Variants in PMIS2 observed in about 807,000 individuals in gnomAD.
PMIS2 encodes PMIS2 transmembrane protein.
At chr19:35,587,057 G>T in exon 2 of PMIS2, 1 of 398,632 alleles carries the variant, frequency 2.5e-6, no homozygotes, top group Non-Finnish European at 4.4e-6. Context: ...ATGGGAAGAG[G>T]CTTACATCAA....
chr19:35,587,116 A>G (rs773595804), exon 2 of PMIS2: 1 of 398,626 alleles, frequency 2.5e-6, no homozygotes, highest in East Asian at 3.6e-5. Flanking sequence ...TGATTGGCTT[A>G]GGCATCATTT....
exon 1 of PMIS2, chr19:35,586,322 C>G (rs891413886): frequency 5.0e-6 from 2 of 398,128 alleles, no homozygotes; most frequent in Non-Finnish European, 8.8e-6. Context: ...CCCCAGACGC[C>G]CCCCCTACCA....
downstream of PMIS2, chr19:35,587,267 C>G (rs1019615490): frequency 2.5e-6 from 1 of 395,874 alleles, no homozygotes. Flanking sequence ...GCCAAGAAAT[C>G]CTCTAACCAA....
chr19:35,586,672 C>T (rs1287974683), intron 1 of PMIS2, 131 bp downstream of exon 1: 37 of 395,568 alleles, frequency 9.4e-5, no homozygotes, highest in Non-Finnish European at 1.6e-4. Flanking sequence ...CTCTGCCTTC[C>T]CGGTTCCAGC....
intron 1 of PMIS2, 143 bp from the exon 2 acceptor site, chr19:35,586,833 C>T (rs748664917): frequency 3.0e-5 from 12 of 396,464 alleles, no homozygotes; most frequent in Non-Finnish European, 4.9e-5. Flanking sequence ...CCGCCTTGGC[C>T]TCCCAAAGTG....
At chr19:35,586,493 A>G (rs1483585838) in exon 1 of PMIS2, 3 of 398,040 alleles carry the variant, frequency 7.5e-6, no homozygotes, top group East Asian at 3.6e-5. Context: ...TCTTTGCTAT[A>G]CTTTTATTCC....
At chr19:35,586,755 T>C (rs967902830) in intron 1 of PMIS2, among the ~76,000 whole-genome samples, 3 of 152,072 alleles carry the variant, frequency 2.0e-5, no homozygotes, top group Admixed American at 1.3e-4. Context: ...CATTTTTGTA[T>C]TTTTAGTAGA....
At chr19:35,586,653 C>G (rs762583398) in intron 1 of PMIS2, 112 bp downstream of exon 1, 45 of 394,354 alleles carry the variant, frequency 1.1e-4, no homozygotes, top group Admixed American at 1.8e-4. Flanking sequence ...AATCTCGGCT[C>G]ACTGCAATCT....
At chr19:35,586,657 G>A in intron 1 of PMIS2, 116 bp downstream of exon 1, 1 of 389,792 alleles carries the variant, frequency 2.6e-6, no homozygotes, top group Non-Finnish European at 4.5e-6. Flanking sequence ...TCGGCTCACT[G>A]CAATCTCTGC....
downstream of PMIS2, chr19:35,587,227 A>G: frequency 2.5e-6 from 1 of 397,874 alleles, no homozygotes; most frequent in Non-Finnish European, 4.4e-6. Flanking sequence ...GTCAGCCATC[A>G]GGCAAGAAAT....
chr19:35,587,034 A>G (rs1253864415), exon 2 of PMIS2: 2 of 398,516 alleles, frequency 5.0e-6, no homozygotes, highest in African/African-American at 2.1e-5. Flanking sequence ...ATGAAGGCCA[A>G]CCAGAACAGT....
At position 35,586,443 on chromosome 19, in the gene PMIS2, G is replaced by A. The variant is rs928451455; in HGVS notation, c.184G>A (p.Glu62Lys). The A allele has an allele frequency of 5.0e-6, 2 of 398,586 alleles. 1 individual carries two copies. The highest frequency in any genetic ancestry group is 8.8e-6 in the Non-Finnish European group (2 of 226,142). The allele number at this position is 398,586 out of a possible 1,614,324, so 24.7% of individuals were successfully genotyped here. Residue 62 changes from glutamate to lysine, a missense_variant, in exon 1 of 2, where the codon GAA (glutamate) becomes AAA (lysine). Coordinates refer to ENST00000646476, the Ensembl canonical transcript of PMIS2. Reference sequence around the variant, plus strand: ...GCAAGAGCCTACACAGACACCAGAGGAACTAGCATTTTACGCCCCAAACTA... The same window carrying A: ...GCAAGAGCCTACACAGACACCAGAGAAACTAGCATTTTACGCCCCAAACTA...
downstream of PMIS2, chr19:35,587,282 C>G (rs989291638): frequency 1.5e-5 from 6 of 395,016 alleles, no homozygotes; most frequent in Non-Finnish European, 2.2e-5. Flanking sequence ...AACCAAGGAA[C>G]TCAACATTCA....
exon 2 of PMIS2, chr19:35,587,065 C>A: frequency 2.5e-6 from 1 of 398,670 alleles, no homozygotes; most frequent in Non-Finnish European, 4.4e-6. Flanking sequence ...AGGCTTACAT[C>A]AACTCAGGCC....
At chr19:35,586,746 A>ATTTTTTTTTTTTTTTTTTTTTTT (rs1568321225) in intron 1 of PMIS2, among the ~76,000 whole-genome samples, 1 of 151,730 alleles carries the variant, frequency 6.6e-6, no homozygotes, top group African/African-American at 2.4e-5. Context: ...TGCCCGGCTC[A>ATTTTTTTTTTTTTTTTTTTTTTT]TTTTTGTATT....
downstream of PMIS2, chr19:35,587,263 A>G (rs1305982416): frequency 5.0e-6 from 2 of 396,094 alleles, no homozygotes; most frequent in Non-Finnish European, 8.9e-6. Context: ...TCTAGCCAAG[A>G]AATCCTCTAA....
chr19:35,586,355 T>G (rs2071779705), exon 1 of PMIS2: 1 of 399,162 alleles, frequency 2.5e-6, no homozygotes. Flanking sequence ...GTGCTTCAGC[T>G]GCCCCAGGTT....
exon 1 of PMIS2, chr19:35,586,244 T>G (rs2071779200): frequency 2.5e-6 from 1 of 398,914 alleles, no homozygotes; most frequent in Non-Finnish European, 4.4e-6. Context: ...GGAGTCCGTC[T>G]TTGAGGGGAA....
chr19:35,586,811 C>A (rs1203357438), intron 1 of PMIS2, among the ~76,000 whole-genome samples, 165 bp from the exon 2 acceptor site: 2 of 152,224 alleles, frequency 1.3e-5, no homozygotes, highest in South Asian at 2.1e-4. Context: ...AGCTTCTGAC[C>A]TTGTGATCCA....
Sources: allele counts gnomAD v4.1 joint callset (sites outside exome capture counted in the v4.1 genomes callset), GRCh38; gene constraint gnomAD v4.1.1; transcripts MANE v1.5; gene names NCBI Gene and HGNC (gene_info 2026-07-23, HGNC 2026-07-21).